PFKP: variants seen among roughly 807,000 people sequenced by gnomAD.
PFKP encodes ATP-dependent 6-phosphofructokinase, platelet type.
A neutral mutation model predicts 94.3 loss-of-function variants in PFKP; 101 were observed. That is an observed-to-expected ratio of 1.07 (90% confidence interval 0.91 to 1.26). The LOEUF is 1.26. PFKP is among the 50% of genes most tolerant of loss of function. PFKP has a pLI of 0.00. For synonymous variants in PFKP, 573 were observed against 432.6 expected (o/e 1.32, Z -4.03); for missense variants, 1,145 against 1,103.3 (o/e 1.04, Z -0.53).
intron 2 of PFKP, among the ~76,000 whole-genome samples, chr10:3,088,343 T>A (rs1833787574): frequency 6.6e-6 from 1 of 152,194 alleles, no homozygotes; most frequent in Non-Finnish European, 1.5e-5. Context: ...TTTTAATGGC[T>A]GCATGGTATT....
chr10:3,097,068 A>G (rs1293081675), intron 2 of PFKP, among the ~76,000 whole-genome samples: 1 of 45,608 alleles, frequency 2.2e-5, no homozygotes, highest in African/African-American at 1.0e-4. Flanking sequence ...ACACAGCGAG[A>G]CTCCGTCTCA....
At chr10:3,122,752 G>A (rs1234934491) in intron 16 of PFKP, among the ~76,000 whole-genome samples, 1 of 152,198 alleles carries the variant, frequency 6.6e-6, no homozygotes, top group Non-Finnish European at 1.5e-5. Context: ...CCAGTATACT[G>A]GCTTCTATTG....
In PFKP at chr10:3,101,535, G is replaced by T; in HGVS notation, c.435G>T (p.Leu145=). 6.4e-7 allele frequency: 1 copy of T among 1,556,312 alleles called. No homozygotes were observed. Among genetic ancestry groups the T allele is most frequent in the Non-Finnish European group, 8.7e-7 (1 of 1,150,452 alleles). The part of the protein sequence containing the change: ...NLFRKEWSGL[L]EELARNGQID... Reference sequence around the variant, plus strand: ...TCCGGAAGGAGTGGAGTGGGCTGCTGGAGGAGCTGGCCAGGAACGGTGAGT... The same window carrying T: ...TCCGGAAGGAGTGGAGTGGGCTGCTTGAGGAGCTGGCCAGGAACGGTGAGT... Residue 145 remains leucine, a synonymous_variant, in exon 4 of 22, where the codon CTG becomes CTT. Transcript: ENST00000381125.
chr10:3,071,335 G>A lies in PFKP; in HGVS notation c.112+3628G>A, dbSNP rs542548680. On this transcript the variant is annotated intron_variant, in intron 1 of 21. Coordinates refer to ENST00000381125, the MANE Select transcript of PFKP (RefSeq NM_002627.5). ...CTCTTTTCTATATTCCCGACTCCCC[G>A]GGCCTTGAATGAAGAAAGTATTTCT... 4.0e-5 allele frequency among the ~76,000 whole-genome samples: 6 copies of A among 149,646 alleles called. No homozygotes were observed. In the South Asian group the frequency reaches 8.6e-4, roughly 21 times the overall value.
chr10:3,105,466 G>A lies in PFKP; in HGVS notation c.739G>A (p.Gly247Ser). Residue 247 changes from glycine (G) to serine (S), a missense_variant, in exon 7 of 22, where the codon GGC becomes AGC. This residue lies in a region of PFKP where 1,119 missense variants were observed against 1,062.8 expected (regional missense o/e 1.05). Transcript: ENST00000381125. The stretch of plus-strand genomic sequence containing the variant: ...CCTTCCAGAATCTCCACCAGAGGAA[G>A]GCTGGGAGGAGCAGATGTGTGTCAA... ...VFLPESPPEE[G>S]WEEQMCVKLS... is the part of the protein sequence containing the mutation. 1.2e-6 allele frequency: 2 copies of A among 1,614,018 alleles called. No individual in the cohort carries two copies. Among genetic ancestry groups the A allele is most frequent in the Non-Finnish European group, 1.7e-6 (2 of 1,179,934 alleles).
chr10:3,107,897 G>A, intron 8 of PFKP: 3 of 1,289,522 alleles, frequency 2.3e-6, no homozygotes, highest in Non-Finnish European at 3.0e-6. Flanking sequence ...TGTAGACGGG[G>A]CTGCAGGCTG....
intron 17 of PFKP, among the ~76,000 whole-genome samples, chr10:3,131,832 G>A (rs1330833294): frequency 6.6e-6 from 1 of 152,124 alleles, no homozygotes; most frequent in Middle Eastern, 3.2e-3. Flanking sequence ...ATTTTCTTAG[G>A]ATGAATCATT....
intron 2 of PFKP, among the ~76,000 whole-genome samples, chr10:3,095,266 A>G (rs1189627504): frequency 6.6e-6 from 1 of 152,152 alleles, no homozygotes; most frequent in Admixed American, 6.5e-5. Context: ...TAGGTGAACT[A>G]GCTTACTCCA....
Position 3,101,366 on chromosome 10 carries a change from GC to G in PFKP, c.267del (p.Thr91ArgfsTer18). On this transcript the variant is annotated frameshift_variant and splice_region_variant, in exon 4 of 22. Transcript: ENST00000381125. LOFTEE classifies it high-confidence loss of function. ...WESVSSILQV[G>X]GTIIGSARCQ... ...TAAATTAGCTGGTGTCTTTCCCAGG[GC>G]GGGACGATCATTGGCAGTGCGCGGT... 1 of 1,580,592 alleles carries G rather than the reference GC, an allele frequency of 6.3e-7. No homozygotes were observed. The highest frequency in any genetic ancestry group is 8.6e-7 in the Non-Finnish European group (1 of 1,163,096).
chr10:3,107,124 T>A, intron 7 of PFKP, 90 bp from the exon 8 acceptor site: 1 of 789,976 alleles, frequency 1.3e-6, no homozygotes, highest in Non-Finnish European at 2.2e-6. Flanking sequence ...AGAGGCCAGT[T>A]CAGTTTGAGA....
chr10:3,096,434 A>G (rs1305425287), intron 2 of PFKP, among the ~76,000 whole-genome samples: 5 of 152,212 alleles, frequency 3.3e-5, no homozygotes, highest in African/African-American at 4.8e-5. Flanking sequence ...GTGGGAATGT[A>G]GGAACTGTCT....
chr10:3,122,568 G>A (rs1270500324), intron 16 of PFKP, among the ~76,000 whole-genome samples: 6 of 152,248 alleles, frequency 3.9e-5, no homozygotes, highest in Non-Finnish European at 7.3e-5. Context: ...AAATCAGGGT[G>A]TGAGGCAACT....
chr10:3,130,101 A>G (rs775319025), intron 17 of PFKP, 118 bp downstream of exon 17: 7 of 895,296 alleles, frequency 7.8e-6, no homozygotes, highest in African/African-American at 1.7e-5. Flanking sequence ...GAGATGCTAC[A>G]GAACATGCCA....
In PFKP at chr10:3,115,781, C is replaced by T. The variant is rs77849815; in HGVS notation, c.1372-995C>T. Among the ~76,000 whole-genome samples, 722 of 152,224 alleles carry T rather than the reference C, an allele frequency of 4.7e-3. 4 individuals are homozygous for T. The highest frequency in any genetic ancestry group is 0.017 in the African/African-American group (691 of 41,514). On this transcript the variant is annotated intron_variant, in intron 13 of 21. Coordinates refer to ENST00000381125, the MANE Select transcript of PFKP (RefSeq NM_002627.5). ...AGAGAGAGAAGGTCCAGGACTGATT[C>T]CTCAGGGCGCCATTGTTAAGAGTAG...
chr10:3,094,273 A>G (rs1469059946), intron 2 of PFKP, among the ~76,000 whole-genome samples: 1 of 152,092 alleles, frequency 6.6e-6, no homozygotes, highest in Admixed American at 6.5e-5. Flanking sequence ...GGAATTGTGC[A>G]CTCTTAGCTT....
chr10:3,134,732 G>A (rs1839027516), intron 20 of PFKP, 150 bp downstream of exon 20: 3 of 571,916 alleles, frequency 5.2e-6, no homozygotes, highest in Admixed American at 2.9e-5. Context: ...TGATCTCTGA[G>A]TGTTGCTATT....
chr10:3,124,541 A>G (rs1837737544), intron 16 of PFKP, among the ~76,000 whole-genome samples: 1 of 152,236 alleles, frequency 6.6e-6, no homozygotes, highest in East Asian at 1.9e-4. Flanking sequence ...CCGCCCGGAG[A>G]GCAGAGATGT....
chr10:3,136,198 G>A (rs1488252383), intron 21 of PFKP, among the ~76,000 whole-genome samples: 1 of 152,220 alleles, frequency 6.6e-6, no homozygotes, highest in Non-Finnish European at 1.5e-5. Flanking sequence ...CCGGGAGGCA[G>A]AGGTTGCAGT....
intron 4 of PFKP, among the ~76,000 whole-genome samples, chr10:3,102,166 G>A (rs901972753): frequency 1.2e-4 from 18 of 144,038 alleles, no homozygotes; most frequent in African/African-American, 4.0e-4. Context: ...CAGGAGAATG[G>A]CGTGAACCCG....
Sources: allele counts gnomAD v4.1 joint callset (sites outside exome capture counted in the v4.1 genomes callset), GRCh38; gene constraint gnomAD v4.1.1; regional missense constraint gnomAD v4.1.1; transcripts MANE v1.5; gene names NCBI Gene and HGNC (gene_info 2026-07-23, HGNC 2026-07-21).